The following GALNTL6 variants were observed in gnomAD, a reference collection of about 807,000 sequenced individuals.
GALNTL6 encodes the protein polypeptide N-acetylgalactosaminyltransferase like 6, also known as polypeptide N-acetylgalactosaminyltransferase-like 6.
GALNTL6 carries 46 observed loss-of-function variants against 73.7 expected under a neutral mutation model. That is an observed-to-expected ratio of 0.62 (90% CI 0.49 to 0.80). The LOEUF (loss-of-function observed/expected upper bound fraction) is 0.80. Among genes scored for constraint, GALNTL6 ranks in the 30% least tolerant of loss-of-function variants. The pLI is 0.00. For missense variants in GALNTL6, 604 were observed against 755.0 expected, an observed-to-expected ratio of 0.80 and a Z score of 2.34; for synonymous variants, 259 against 263.7, an observed-to-expected ratio of 0.98 and a Z score of 0.17.
chr4:172,470,747 G>C (rs185496389), intron 5 of GALNTL6, among the ~76,000 whole-genome samples: 1 of 152,098 alleles, frequency 6.6e-6, no homozygotes, highest in Non-Finnish European at 1.5e-5. Context: ...CTCCCAAAAC[G>C]GAACAGTTGA....
chr4:172,873,315 G>A (rs1320578980), intron 7 of GALNTL6, among the ~76,000 whole-genome samples: 1 of 152,182 alleles, frequency 6.6e-6, no homozygotes, highest in Non-Finnish European at 1.5e-5. Flanking sequence ...TCCTAGCCTG[G>A]TGGCTTCCAT....
At chr4:171,995,206 G>A (rs1297150703) in intron 2 of GALNTL6, among the ~76,000 whole-genome samples, 1 of 151,908 alleles carries the variant, frequency 6.6e-6, no homozygotes, top group African/African-American at 2.4e-5. Flanking sequence ...ATGAGATGGT[G>A]TTAAATAGAA....
intron 2 of GALNTL6, among the ~76,000 whole-genome samples, chr4:172,209,124 T>C (rs1736240288): frequency 6.6e-6 from 1 of 152,092 alleles, no homozygotes; most frequent in Non-Finnish European, 1.5e-5. Context: ...TTGCTCAAGA[T>C]GTTAAACTGA....
chr4:172,888,931 T>C (rs1299356845), intron 8 of GALNTL6, among the ~76,000 whole-genome samples: 1 of 152,190 alleles, frequency 6.6e-6, no homozygotes, highest in African/African-American at 2.4e-5. Flanking sequence ...CATCTATGAT[T>C]TCTTTCATCA....
chr4:172,143,100 A>C (rs1224646528), intron 2 of GALNTL6, among the ~76,000 whole-genome samples: 4 of 152,066 alleles, frequency 2.6e-5, no homozygotes, highest in Non-Finnish European at 4.4e-5. Context: ...AATAGCAAGA[A>C]AATCAATCAA....
intron 11 of GALNTL6, among the ~76,000 whole-genome samples, chr4:173,020,227 C>T (rs1030702440): frequency 1.3e-5 from 2 of 152,166 alleles, no homozygotes; most frequent in African/African-American, 4.8e-5. Flanking sequence ...AATGCTCTTC[C>T]CCTACAGGTG....
intron 7 of GALNTL6, among the ~76,000 whole-genome samples, chr4:172,824,417 T>C (rs1269076141): frequency 6.6e-6 from 1 of 151,728 alleles, no homozygotes; most frequent in African/African-American, 2.4e-5. Flanking sequence ...TGTTCATGTG[T>C]GTGTGTGCAC....
chr4:171,824,572 G>T (rs1734775132), intron 2 of GALNTL6, among the ~76,000 whole-genome samples: 1 of 151,938 alleles, frequency 6.6e-6, no homozygotes, highest in South Asian at 2.1e-4. Context: ...TAGAATTCTA[G>T]AAAATTAAGA....
intron 3 of GALNTL6, among the ~76,000 whole-genome samples, chr4:172,237,641 T>C (rs965413426): frequency 6.6e-6 from 1 of 152,192 alleles, no homozygotes; most frequent in Non-Finnish European, 1.5e-5. Context: ...TTTTTTGATG[T>C]CTTCATCATG....
chr4:173,040,297 G>A lies in GALNTL6; in HGVS notation c.*197G>A. ...AACTTGGCTGAGAATCTCACCAGCT[G>A]CTTCTGAGAACTCGAGACTAGCAGT... On this transcript the variant is annotated 3_prime_UTR_variant, in exon 13 of 13. Transcript: ENST00000506823. The A allele has an allele frequency of 1.9e-6, 1 of 537,584 alleles. No homozygotes were observed. The highest frequency in any genetic ancestry group is 3.3e-6 in the Non-Finnish European group (1 of 307,022). The allele number at this position is 537,584 out of a possible 1,614,324, so 33.3% of individuals were successfully genotyped here.
At chr4:172,932,057 A>G (rs1748369784) in intron 9 of GALNTL6, among the ~76,000 whole-genome samples, 1 of 152,198 alleles carries the variant, frequency 6.6e-6, no homozygotes, top group Non-Finnish European at 1.5e-5. Flanking sequence ...TCACACTGCT[A>G]CCCTAGAAAT....
intron 5 of GALNTL6, among the ~76,000 whole-genome samples, chr4:172,466,581 T>A (rs1271148771): frequency 6.6e-6 from 1 of 152,196 alleles, no homozygotes; most frequent in Non-Finnish European, 1.5e-5. Context: ...CTTTTACACT[T>A]TTCTTAGAAG....
chr4:172,440,865 A>G (rs770381699), intron 5 of GALNTL6, among the ~76,000 whole-genome samples: 6 of 152,106 alleles, frequency 3.9e-5, no homozygotes, highest in African/African-American at 7.2e-5. Context: ...AGGCCTTTTT[A>G]TGATATAACT....
intron 2 of GALNTL6, among the ~76,000 whole-genome samples, chr4:171,949,870 G>A (rs543062759): frequency 8.1e-4 from 123 of 152,212 alleles, no homozygotes; most frequent in Middle Eastern, 3.4e-3. Flanking sequence ...AGATACATAA[G>A]GCAACCTAGT....
intron 5 of GALNTL6, among the ~76,000 whole-genome samples, chr4:172,554,467 CAT>C (rs35662372): frequency 0.021 from 3,150 of 152,120 alleles, 102 homozygotes; most frequent in African/African-American, 0.071. Flanking sequence ...TGAAGTATAA[CAT>C]ATGTAAAAGA....
In GALNTL6 at chr4:172,866,401, C is replaced by G. The variant is rs576192032; in HGVS notation, c.924-16389C>G. 4.6e-5 allele frequency among the ~76,000 whole-genome samples: 7 copies of G among 152,310 alleles called. No homozygotes were observed. The South Asian group carries it at 1.5e-3, about 32-fold the overall frequency. Reference sequence around the variant, plus strand: ...ATCCACACAACAATATGACATCAGTCAGATCACTGAAACTCTTTAACCTGA... The same window carrying G: ...ATCCACACAACAATATGACATCAGTGAGATCACTGAAACTCTTTAACCTGA... On this transcript the variant is annotated intron_variant, in intron 7 of 12. Coordinates refer to ENST00000506823, the MANE Select transcript of GALNTL6 (RefSeq NM_001034845.3).
intron 2 of GALNTL6, among the ~76,000 whole-genome samples, chr4:171,931,838 AAC>A (rs1408229297): frequency 2.0e-5 from 3 of 151,862 alleles, no homozygotes; most frequent in South Asian, 2.1e-4. Context: ...GAGCTGAAAA[AAC>A]ACACAGTTCA....
intron 3 of GALNTL6, among the ~76,000 whole-genome samples, chr4:172,239,832 A>G (rs1411596298): frequency 6.6e-6 from 1 of 152,162 alleles, no homozygotes; most frequent in Admixed American, 6.5e-5. Context: ...AGTTCTATAA[A>G]TATCTGTTAA....
At chr4:171,915,052 C>T (rs184790980) in intron 2 of GALNTL6, among the ~76,000 whole-genome samples, 2 of 151,820 alleles carry the variant, frequency 1.3e-5, no homozygotes, top group African/African-American at 2.4e-5. Flanking sequence ...GACAGGATAT[C>T]GATACAGATT....
Sources: gnomAD v4.1 joint callset for allele counts (sites outside exome capture counted in the v4.1 genomes callset) on GRCh38, gnomAD v4.1.1 for gene constraint, MANE v1.5 for transcripts, NCBI Gene and HGNC (gene_info 2026-07-23, HGNC 2026-07-21) for gene names.